The following SLC30A8 variants were observed in gnomAD, a reference collection of about 807,000 sequenced individuals.
The protein encoded by SLC30A8 is proton-coupled zinc antiporter SLC30A8.
In SLC30A8, 27 loss-of-function variants were observed where a neutral mutation model predicts 36.9. The observed-to-expected ratio is 0.73, with a 90% CI of 0.54 to 1.01. The LOEUF is 1.01. Among genes scored for constraint, SLC30A8 ranks in the 50% least tolerant of loss-of-function variants. The probability of loss-of-function intolerance (pLI) is 0.00; values close to 1 mark genes in which losing one functional copy is unlikely to be tolerated. For synonymous variants in SLC30A8, 164 were observed against 172.4 expected, an observed-to-expected ratio of 0.95 and a Z score of 0.38; for missense variants, 439 against 452.0, an observed-to-expected ratio of 0.97 and a Z score of 0.26.
Position 117,059,340 on chromosome 8 carries a change from G to A in SLC30A8, c.-226+20082G>A, listed in dbSNP as rs1350931617. On this transcript the variant is annotated intron_variant, in intron 2 of 10. Transcript: ENST00000427715. ...ATAGGCAGGAAACTACAAATAACAA[G>A]CCACATTGATTTAGAAAAGCTTAAG... is the stretch of plus-strand genomic sequence containing the variant. Among the ~76,000 whole-genome samples the A allele has an allele frequency of 2.6e-5, 4 of 152,176 alleles. No individual in the cohort carries two copies. The East Asian group carries it at 7.7e-4, about 29-fold the overall frequency.
intron 2 of SLC30A8, among the ~76,000 whole-genome samples, chr8:117,070,319 A>C (rs1050381268): frequency 6.6e-6 from 1 of 152,180 alleles, no homozygotes; most frequent in African/African-American, 2.4e-5. Context: ...GGAAGGTCTG[A>C]TATGGCTCAT....
At chr8:117,095,539 A>G (rs1271770452) in intron 2 of SLC30A8, among the ~76,000 whole-genome samples, 1 of 152,104 alleles carries the variant, frequency 6.6e-6, no homozygotes, top group Non-Finnish European at 1.5e-5. Context: ...GTTGTCATTC[A>G]TTCTGCTTTG....
chr8:117,034,999 C>T (rs1817168355), intron 1 of SLC30A8, among the ~76,000 whole-genome samples: 1 of 152,160 alleles, frequency 6.6e-6, no homozygotes, highest in Non-Finnish European at 1.5e-5. Context: ...GATCCAGTCA[C>T]CTCCCACCAT....
At chr8:116,970,577 C>G (rs779415928) in intron 1 of SLC30A8, among the ~76,000 whole-genome samples, 2 of 152,158 alleles carry the variant, frequency 1.3e-5, no homozygotes, top group Non-Finnish European at 2.9e-5. Context: ...ATGTGTTGGA[C>G]TATAACTTTA....
chr8:117,140,587 G>A (rs569289808), intron 1 of SLC30A8, among the ~76,000 whole-genome samples: 3 of 152,164 alleles, frequency 2.0e-5, no homozygotes, highest in Non-Finnish European at 2.9e-5. Context: ...GGATGGCAGT[G>A]AGATGACATT....
intron 2 of SLC30A8, among the ~76,000 whole-genome samples, chr8:117,060,348 A>T (rs892048956): frequency 6.6e-6 from 1 of 152,014 alleles, no homozygotes; most frequent in Non-Finnish European, 1.5e-5. Flanking sequence ...TCAGAGTTTC[A>T]TCTTAAGAAC....
upstream of SLC30A8, chr8:117,130,183 A>T (rs1821070231): frequency 6.6e-6 from 1 of 152,020 alleles, no homozygotes; most frequent in South Asian, 2.1e-4. Context: ...GCTTCCAAGC[A>T]GGAAAGACAG....
chr8:116,965,665 T>C (rs1279864493), intron 1 of SLC30A8, among the ~76,000 whole-genome samples: 1 of 152,164 alleles, frequency 6.6e-6, no homozygotes, highest in African/African-American at 2.4e-5. Context: ...TGAATTAGTT[T>C]AGTTTATTGA....
chr8:116,997,310 A>G (rs748661461), intron 1 of SLC30A8, among the ~76,000 whole-genome samples: 6 of 152,206 alleles, frequency 3.9e-5, no homozygotes, highest in South Asian at 2.1e-4. Context: ...AATGTAATCT[A>G]TAATTCATTG....
At chr8:117,160,708 A>T (rs566272741) in intron 4 of SLC30A8, among the ~76,000 whole-genome samples, 1 of 152,350 alleles carries the variant, frequency 6.6e-6, no homozygotes, top group East Asian at 1.9e-4. Context: ...CTGTCTAAGG[A>T]ACCTTAAATG....
intron 1 of SLC30A8, among the ~76,000 whole-genome samples, chr8:116,988,743 G>A (rs1159041839): frequency 6.6e-6 from 1 of 152,140 alleles, no homozygotes; most frequent in Non-Finnish European, 1.5e-5. Context: ...CCAGCCTCTG[G>A]CATATACTTA....
intron 2 of SLC30A8, among the ~76,000 whole-genome samples, chr8:117,075,754 T>C (rs1479134901): frequency 6.6e-6 from 1 of 152,222 alleles, no homozygotes; most frequent in African/African-American, 2.4e-5. Flanking sequence ...CAAGTCACTT[T>C]CATGTTCCAA....
Position 117,044,904 on chromosome 8 carries a change from C to T in SLC30A8, c.-226+5646C>T, listed in dbSNP as rs191635865. Among the ~76,000 whole-genome samples the T allele has an allele frequency of 2.7e-3, 413 of 152,314 alleles. 1 individual carries two copies. The highest frequency in any genetic ancestry group is 0.012 in the South Asian group (56 of 4,828). On this transcript the variant is annotated intron_variant, in intron 2 of 10. Transcript: ENST00000427715. The stretch of plus-strand genomic sequence containing the variant: ...CTGCCATCTTGTGGCGAGAAGGCGC[C>T]TTCTGCCTCAGAACTAGCTGCAAAT...
upstream of SLC30A8, among the ~76,000 whole-genome samples, chr8:117,134,180 G>A (rs148407696): frequency 1.8e-3 from 274 of 151,912 alleles, 1 homozygote; most frequent in African/African-American, 6.3e-3. Context: ...GCAACTTCCC[G>A]TGACTCTGGG....
intron 6 of SLC30A8, chr8:117,163,921 C>T (rs1264694156): frequency 6.2e-6 from 1 of 160,272 alleles, no homozygotes; most frequent in Admixed American, 6.3e-5. Flanking sequence ...ACAAGGGTGA[C>T]CTTTTATTTG....
intron 2 of SLC30A8, among the ~76,000 whole-genome samples, chr8:117,086,900 G>A (rs2130821135): frequency 6.6e-6 from 1 of 152,252 alleles, no homozygotes; most frequent in South Asian, 2.1e-4. Flanking sequence ...AGAAAATAAA[G>A]TATCAAAATG....
chr8:117,055,255 G>A (rs1370374719), intron 2 of SLC30A8, among the ~76,000 whole-genome samples: 2 of 152,148 alleles, frequency 1.3e-5, no homozygotes, highest in African/African-American at 2.4e-5. Flanking sequence ...TTTCTAATTG[G>A]AAAAAGATGA....
rs756898981 is a variant in SLC30A8, at chr8:117,147,134, C to T, written c.252C>T (p.Phe84=). 8 of 1,613,958 alleles carry T rather than the reference C, an allele frequency of 5.0e-6. No homozygotes were observed. The African/African-American group carries it at 5.3e-5, about 11-fold the overall frequency. ...CTGCTTCAGCAATATGCTTCATTTT[C>T]ATGATTGCAGAGGTCGTGGGTGAGT... ...LCSASAICFI[F]MIAEVVGGHI... The change falls in exon 2 of 8, where the codon TTC becomes TTT. Residue 84 remains phenylalanine (F), a synonymous_variant. Coordinates refer to ENST00000456015, the MANE Select transcript of SLC30A8 (RefSeq NM_173851.3).
chr8:117,123,211 G>T (rs1820756738), intron 2 of SLC30A8, among the ~76,000 whole-genome samples: 1 of 151,846 alleles, frequency 6.6e-6, no homozygotes. Context: ...TTTTAATAAT[G>T]GCGACAGACA....
Sources: gnomAD v4.1 joint callset for allele counts (sites outside exome capture counted in the v4.1 genomes callset) on GRCh38, gnomAD v4.1.1 for gene constraint, MANE v1.5 for transcripts, NCBI Gene and HGNC (gene_info 2026-07-23, HGNC 2026-07-21) for gene names.